Variants in MKI67 observed in about 807,000 individuals in gnomAD.
The protein encoded by MKI67 is proliferation marker protein Ki-67.
MKI67 carries 152 observed loss-of-function variants against 233.5 expected under a neutral mutation model. The observed-to-expected ratio is 0.65, with a 90% CI of 0.57 to 0.74. MKI67 has a LOEUF of 0.74. Among genes scored for constraint, MKI67 ranks in the 30% least tolerant of loss-of-function variants. The pLI is 0.00. For missense variants in MKI67, 3,940 were observed against 3,885.2 expected (o/e 1.01, Z -0.37); for synonymous variants, 1,465 against 1,418.5 (o/e 1.03, Z -0.74).
At chr10:128,111,852 A>T in intron 10 of MKI67, 36 bp from the exon 11 acceptor site, 1 of 1,610,684 alleles carries the variant, frequency 6.2e-7, no homozygotes, top group Non-Finnish European at 8.5e-7. Context: ...CAGGACATTA[A>T]AGCATAAATC....
rs773522746 is a variant in MKI67 at position 128,105,159 on chromosome 10, G to A, written c.6681C>T (p.Asp2227=). 1.2e-6 allele frequency: 2 copies of A among 1,613,210 alleles called. No individual in the cohort carries two copies. The highest frequency in any genetic ancestry group is 1.7e-5 in the Admixed American group (1 of 59,882). Reference sequence around the variant, plus strand: ...TGAAGATTGTTGGGGTACCCACTGGGTCTGGTTGTGGAGATCTGCAGGCTA... The same window carrying A: ...TGAAGATTGTTGGGGTACCCACTGGATCTGGTTGTGGAGATCTGCAGGCTA... ...TKIACRSPQP[D]PVGTPTIFKP... The change falls in exon 13 of 15, where the codon GAC becomes GAT. Residue 2227 remains aspartate, a synonymous_variant. Coordinates refer to ENST00000368654, the MANE Select transcript of MKI67 (RefSeq NM_002417.5).
In MKI67 at chr10:128,104,071, G is replaced by A. The variant is rs770662082; in HGVS notation, c.7769C>T (p.Pro2590Leu). 2.5e-6 allele frequency: 4 copies of A among 1,613,934 alleles called. No homozygotes were observed. Among genetic ancestry groups the A allele is most frequent in the Admixed American group, 1.7e-5 (1 of 60,006 alleles). The change falls in exon 13 of 15, where the codon CCA (proline) becomes CTA (leucine). Residue 2590 changes from proline (P) to leucine (L), a missense_variant. Pro to Leu is a moderately conservative substitution (Grantham distance 98, BLOSUM62 -3). Coordinates refer to ENST00000368654, the MANE Select transcript of MKI67 (RefSeq NM_002417.5). ...KNTKIPCKSP[P>L]PELTDTATST... ...CGTGGCAGTGTCTGTTAGTTCTGGT[G>A]GGGGAGATTTGCAGGGAATTTTTGT...
Position 128,096,915 on chromosome 10 carries a change from A to C in MKI67, c.*2275T>G, listed in dbSNP as rs990884423. The C allele has an allele frequency of 6.6e-6, 1 of 152,298 alleles. No individual in the cohort carries two copies. Among genetic ancestry groups the C allele is most frequent in the Admixed American group, 6.5e-5 (1 of 15,284 alleles). The allele number at this position is 152,298 out of a possible 1,614,324, so 9.4% of individuals were successfully genotyped here. On this transcript the variant is annotated 3_prime_UTR_variant, in exon 15 of 15. Coordinates refer to ENST00000368654, the MANE Select transcript of MKI67 (RefSeq NM_002417.5). ...GGGGTGAGGGAACCCACAGGCAAGA[A>C]GCCTCCCTTAAGCTGAGCTCAGGAC... is the stretch of plus-strand genomic sequence containing the variant.
chr10:128,107,433 G>A lies in MKI67; in HGVS notation c.4407C>T (p.Gly1469=). The change falls in exon 13 of 15, where the codon GGC becomes GGT. Residue 1469 remains glycine (G), a synonymous_variant. Transcript: ENST00000368654. The part of the protein sequence containing the change: ...EKAQPLEDLA[G]LKELFQTPVC... ...CTGGTGTCTGGAAGAGCTCTTTCAA[G>A]CCAGCCAGGTCTTCTAGGGGTTGGG... The A allele has an allele frequency of 1.2e-6, 2 of 1,614,132 alleles. No individual in the cohort carries two copies. Among genetic ancestry groups the A allele is most frequent in the Non-Finnish European group, 1.7e-6 (2 of 1,180,020 alleles).
intron 6 of MKI67, among the ~76,000 whole-genome samples, 159 bp from the exon 7 acceptor site, chr10:128,116,166 T>C (rs1287515444): frequency 2.0e-5 from 3 of 152,272 alleles, no homozygotes; most frequent in African/African-American, 7.2e-5. Context: ...AGTCTTATGA[T>C]ACTAGTATTA....
In MKI67 at chr10:128,104,307, T is replaced by G. The variant is rs527819270; in HGVS notation, c.7533A>C (p.Thr2511=). The change falls in exon 13 of 15, where the codon ACA becomes ACC. Residue 2511 remains threonine, a synonymous_variant. Transcript: ENST00000368654. ...TACTATCTCCTGTTGGCTCTGTGTG[T>G]GTTTGCGTAGTCTCCCCTGATGTCC... ...LTRTSGETTQ[T]HTEPTGDSKS... The G allele has an allele frequency of 1.2e-6, 2 of 1,614,160 alleles. No individual in the cohort carries two copies. Among genetic ancestry groups the G allele is most frequent in the East Asian group, 4.5e-5 (2 of 44,866 alleles).
At chr10:128,124,098 T>G (rs912136188) in intron 2 of MKI67, among the ~76,000 whole-genome samples, 1 of 152,216 alleles carries the variant, frequency 6.6e-6, no homozygotes, top group African/African-American at 2.4e-5. Context: ...AAATCTTGCA[T>G]GAAGATATAT....
Position 128,106,073 on chromosome 10 carries a change from T to C in MKI67, c.5767A>G (p.Thr1923Ala). 5 of 1,613,442 alleles carry C rather than the reference T, an allele frequency of 3.1e-6. No individual in the cohort carries two copies. The highest frequency in any genetic ancestry group is 4.2e-6 in the Non-Finnish European group (5 of 1,179,912). The change falls in exon 13 of 15, where the codon ACT becomes GCT. Residue 1923 changes from threonine to alanine, a missense_variant. Coordinates refer to ENST00000368654, the MANE Select transcript of MKI67 (RefSeq NM_002417.5). ...EEKDINTFVGTPVEKLDLLGN... is the reference protein window; with the variant it reads ...EEKDINTFVGAPVEKLDLLGN... ...AGCAGGTCCAGTTTCTCCACTGGAG[T>C]CCCCACAAATGTGTTGATGTCTTTC...
chr10:128,103,529 T>C lies in MKI67; in HGVS notation c.8311A>G (p.Lys2771Glu), dbSNP rs138695935. 1.7e-5 allele frequency: 28 copies of C among 1,613,676 alleles called. No homozygotes were observed. In the African/African-American group the frequency reaches 3.6e-4, roughly 21 times the overall value. Residue 2771 changes from lysine to glutamate, a missense_variant, in exon 13 of 15, where the codon AAA (lysine) becomes GAA (glutamate). Physicochemically the swap from Lys to Glu is moderately conservative, Grantham distance 56. Transcript: ENST00000368654. ...CTTGCTGCTGGAGCCGGTGTCTGTT[T>C]TGCAGATTCCTTCAATGCTTTGATG... ...KGIKALKESAKQTPAPAASVT... is the reference protein window; with the variant it reads ...KGIKALKESAEQTPAPAASVT...
chr10:128,115,219 T>C lies in MKI67; in HGVS notation c.1189A>G (p.Thr397Ala), dbSNP rs1194072377. The C allele has an allele frequency of 1.2e-6, 2 of 1,614,132 alleles. No homozygotes were observed. The highest frequency in any genetic ancestry group is 2.7e-5 in the African/African-American group (2 of 74,940). The change falls in exon 7 of 15, where the codon ACT (threonine) becomes GCT (alanine). Residue 397 changes from threonine to alanine, a missense_variant. By Grantham distance (58) the Thr-to-Ala change is moderately conservative (BLOSUM62 0). Transcript: ENST00000368654. ...ACTTTAGCTGGTGTTCGATTTCTAG[T>C]TGAAAGCTTCCTGGGAGTAAGAGTT... ...DKTLTPRKLS[T>A]RNRTPAKVED...
chr10:128,099,747 G>C (rs989204163), intron 14 of MKI67, among the ~76,000 whole-genome samples: 4 of 152,162 alleles, frequency 2.6e-5, no homozygotes, highest in Non-Finnish European at 5.9e-5. Flanking sequence ...GAAAAGCATG[G>C]CTACAAGCTT....
rs1282362626 is a variant in MKI67, at chr10:128,109,212, T to G, written c.2628A>C (p.Gly876=). 1 of 1,614,062 alleles carries G rather than the reference T, an allele frequency of 6.2e-7. No homozygotes were observed. The highest frequency in any genetic ancestry group is 2.2e-5 in the East Asian group (1 of 44,884). Residue 876 remains glycine (G), a synonymous_variant, in exon 13 of 15, where the codon GGA becomes GGC. Transcript: ENST00000368654. ...GTATATTCCTGAACTCTGTAGACCT[T>G]CCTGACCTGTTTGCAGTGGATACTG... The part of the protein sequence containing the change: ...SKTVSTANRS[G]RSTEFRNIQK...
At chr10:128,102,159 C>T (rs1852350812) in intron 13 of MKI67, among the ~76,000 whole-genome samples, 1 of 152,150 alleles carries the variant, frequency 6.6e-6, no homozygotes. Flanking sequence ...AGACAGTTTC[C>T]CCTTCTCAAG....
chr10:128,105,863 T>C lies in MKI67; in HGVS notation c.5977A>G (p.Thr1993Ala), dbSNP rs1852476478. The C allele has an allele frequency of 6.2e-7, 1 of 1,614,126 alleles. No individual in the cohort carries two copies. Among genetic ancestry groups the C allele is most frequent in the Non-Finnish European group, 8.5e-7 (1 of 1,180,012 alleles). The change falls in exon 13 of 15, where the codon ACA (threonine) becomes GCA (alanine). Residue 1993 changes from threonine (T) to alanine (A), a missense_variant. Physicochemically the swap from Thr to Ala is moderately conservative, Grantham distance 58. Transcript: ENST00000368654. ...SPQPDPVKTP[T>A]SSKQRLKISL... is the part of the protein sequence containing the mutation. ...ATCTTGAGTCGTTGCTTGGAGCTTGTTGGGGTTTTGACTGGGTCTGGTTGT... is the reference window on the plus strand; with the variant it reads ...ATCTTGAGTCGTTGCTTGGAGCTTGCTGGGGTTTTGACTGGGTCTGGTTGT...
At position 128,102,598 on chromosome 10, in the gene MKI67, T is replaced by C. The variant is rs571288495; in HGVS notation, c.9242A>G (p.Asp3081Gly). Residue 3081 changes from aspartate to glycine, a missense_variant, in exon 13 of 15, where the codon GAC (aspartate) becomes GGC (glycine). Transcript: ENST00000368654. ...TCTCACCTTATTTTCAGGGACCGAG[T>C]CTTGTAATTTGTGTTCCTCTTTGTT... ...KTNKEEHKLQDSVPENKGISL... is the reference protein window; with the variant it reads ...KTNKEEHKLQGSVPENKGISL... 6.2e-6 allele frequency: 10 copies of C among 1,613,532 alleles called. No homozygotes were observed. The Admixed American group carries it at 1.2e-4, about 19-fold the overall frequency.
Position 128,105,616 on chromosome 10 carries a change from T to G in MKI67, c.6224A>C (p.Asp2075Ala). Residue 2075 changes from aspartate (D) to alanine (A), a missense_variant, in exon 13 of 15, where the codon GAC becomes GCC. By Grantham distance (126) the Asp-to-Ala change is moderately radical. Coordinates refer to ENST00000368654, the MANE Select transcript of MKI67 (RefSeq NM_002417.5). ...TPKEEAQSLE[D>A]LAGFKELFQT... ...GAAGAGCTCTTTGAAGCCGGCCAGG[T>G]CTTCTAGTGATTGGGCCTCTTCCTT... 1 of 1,613,748 alleles carries G rather than the reference T, an allele frequency of 6.2e-7. No individual in the cohort carries two copies. Among genetic ancestry groups the G allele is most frequent in the Non-Finnish European group, 8.5e-7 (1 of 1,179,954 alleles).
Position 128,109,889 on chromosome 10 carries a change from T to C in MKI67, c.2417-466A>G, listed in dbSNP as rs191788207. Among the ~76,000 whole-genome samples the C allele has an allele frequency of 4.6e-5, 7 of 152,300 alleles. No individual in the cohort carries two copies. The East Asian group carries it at 1.2e-3, about 25-fold the overall frequency. On this transcript the variant is annotated intron_variant, in intron 12 of 14. Coordinates refer to ENST00000368654, the MANE Select transcript of MKI67 (RefSeq NM_002417.5). The stretch of plus-strand genomic sequence containing the variant: ...TCAGGGTAGCAAGCTGTTCCCTCTG[T>C]GACAGGAATACAGTGACCAGTGCCA...
At chr10:128,109,773 T>G (rs777844311) in intron 12 of MKI67, among the ~76,000 whole-genome samples, 2 of 152,228 alleles carry the variant, frequency 1.3e-5, no homozygotes, top group African/African-American at 2.4e-5. Context: ...CAGCTGTTTC[T>G]TGCCTTAAAT....
chr10:128,119,819 A>T (rs1226777513), intron 4 of MKI67, among the ~76,000 whole-genome samples: 2 of 152,216 alleles, frequency 1.3e-5, no homozygotes, highest in African/African-American at 2.4e-5. Flanking sequence ...GAACACTATG[A>T]TCACTTCAGT....
Sources: allele counts gnomAD v4.1 joint callset (sites outside exome capture counted in the v4.1 genomes callset), GRCh38; gene constraint gnomAD v4.1.1; transcripts MANE v1.5; gene names NCBI Gene and HGNC (gene_info 2026-07-23, HGNC 2026-07-21).